The following PRPS2 variants were observed in gnomAD, a reference collection of about 807,000 sequenced individuals.
The protein encoded by PRPS2 is ribose-phosphate pyrophosphokinase 2.
For synonymous variants in PRPS2, 111 were observed against 115.3 expected, an observed-to-expected ratio of 0.96 and a Z score of 0.24; for missense variants, 104 against 271.5, an observed-to-expected ratio of 0.38 and a Z score of 4.34.
At chrX:12,795,353 A>G (rs2042538104) in intron 1 of PRPS2, among the ~76,000 whole-genome samples, 1 of 112,071 alleles carries the variant, frequency 8.9e-6, no homozygotes, top group Non-Finnish European at 1.9e-5. Context: ...CTCACAGGCC[A>G]TAGAAAAACA....
At chrX:12,814,102 A>G (rs1241867583) in intron 4 of PRPS2, among the ~76,000 whole-genome samples, 2 of 98,279 alleles carry the variant, frequency 2.0e-5, no homozygotes, top group Non-Finnish European at 4.0e-5. Flanking sequence ...TTCCAAAACT[A>G]TTTATTAAAT....
intron 2 of PRPS2, among the ~76,000 whole-genome samples, chrX:12,806,094 A>T (rs2042592330): frequency 9.0e-6 from 1 of 111,493 alleles, no homozygotes; most frequent in Non-Finnish European, 1.9e-5. Flanking sequence ...AAAAAAAAAA[A>T]AAAAGGTAGA....
At chrX:12,810,169 C>T (rs371727925) in intron 4 of PRPS2, 23 bp downstream of exon 4, 75 of 1,203,783 alleles carry the variant, frequency 6.2e-5, no homozygotes, top group Non-Finnish European at 8.1e-5. Flanking sequence ...CTACACCTTG[C>T]AGATTTCTCC....
chrX:12,819,999 C>T (rs991170098), intron 5 of PRPS2, among the ~76,000 whole-genome samples: 2 of 111,752 alleles, frequency 1.8e-5, no homozygotes, highest in African/African-American at 6.5e-5. Context: ...ATTTGGCTTT[C>T]GTGCCAGCCT....
At chrX:12,821,652 C>T (rs1045994987) in intron 6 of PRPS2, among the ~76,000 whole-genome samples, 11 of 111,792 alleles carry the variant, frequency 9.8e-5, no homozygotes, top group Non-Finnish European at 1.5e-4. Flanking sequence ...TAAGAACAGA[C>T]ACTATACTTG....
At chrX:12,817,618 A>C (rs2147223679) in intron 4 of PRPS2, among the ~76,000 whole-genome samples, 1 of 111,607 alleles carries the variant, frequency 9.0e-6, no homozygotes, top group East Asian at 2.8e-4. Flanking sequence ...TCATAGCGGC[A>C]GTATTCAGTA....
rs1336809941 is a variant in PRPS2, at chrX:12,823,797, A to G, written c.*1001A>G. ...AATGCGACTGGACTTAGCCACACAC[A>G]ATGGAAATTCAGACCTTGACTATTT... On this transcript the variant is annotated 3_prime_UTR_variant, in exon 7 of 7. Coordinates refer to ENST00000380668, the MANE Select transcript of PRPS2 (RefSeq NM_002765.5). 8.9e-6 allele frequency: 1 copy of G among 112,332 alleles called. No homozygotes were observed. The highest frequency in any genetic ancestry group is 3.2e-5 in the African/African-American group (1 of 30,901). 9.3% of individuals were successfully genotyped at this position (112,332 alleles called of 1,213,427 possible).
chrX:12,818,517 C>G (rs185896535), intron 4 of PRPS2, among the ~76,000 whole-genome samples: 1 of 110,649 alleles, frequency 9.0e-6, no homozygotes, highest in Non-Finnish European at 1.9e-5. Context: ...TCAGAGCACG[C>G]GAGGAGCTCC....
In PRPS2 at chrX:12,820,630, C is replaced by T. The variant is rs1419333866; in HGVS notation, c.705-14C>T. On this transcript the variant is annotated splice_polypyrimidine_tract_variant and intron_variant, in intron 5 of 6. Transcript: ENST00000380668. ...TTTGCATACCCTTAATTTTTATCTT[C>T]TGCTGTTCTACAGGCTGCTGTCAGC... 1.7e-6 allele frequency: 2 copies of T among 1,198,546 alleles called. No homozygotes were observed. The highest frequency in any genetic ancestry group is 1.7e-5 in the African/African-American group (1 of 57,527).
intron 4 of PRPS2, among the ~76,000 whole-genome samples, chrX:12,815,534 A>C (rs893692715): frequency 8.9e-6 from 1 of 111,838 alleles, no homozygotes; most frequent in South Asian, 3.7e-4. Flanking sequence ...CGAGGTGTTC[A>C]TGTGTCTTGG....
chrX:12,819,573 G>A lies in PRPS2; in HGVS notation c.597G>A (p.Ala199=), dbSNP rs369883798. 24 of 1,210,510 alleles carry A rather than the reference G, an allele frequency of 2.0e-5. No homozygotes were observed. The highest frequency in any genetic ancestry group is 5.9e-5 in the East Asian group (2 of 33,802). ...FALIHKERKK[A]NEVDRMVLVG... is the part of the protein sequence containing the mutation. ...TGATCCACAAAGAGAGGAAGAAGGC[G>A]AATGAAGTGGACCGGATGGTCCTGG... The change falls in exon 5 of 7, where the codon GCG becomes GCA. Residue 199 remains alanine, a synonymous_variant. Coordinates refer to ENST00000380668, the MANE Select transcript of PRPS2 (RefSeq NM_002765.5).
chrX:12,815,021 G>A (rs371211562), intron 4 of PRPS2, among the ~76,000 whole-genome samples: 1 of 111,845 alleles, frequency 8.9e-6, no homozygotes, highest in Non-Finnish European at 1.9e-5. Flanking sequence ...GCCTTTTTCT[G>A]CCTAAGATTT....
Position 12,823,242 on chromosome X carries a change from GAATT to G in PRPS2, c.*452_*455del, listed in dbSNP as rs1439221563. On this transcript the variant is annotated 3_prime_UTR_variant, in exon 7 of 7. Transcript: ENST00000380668. ...GGACATTTGGGTAAAACCCTGTATA[GAATT>G]AATTATCCTTTTACTTTGGAGTGAA... 9.1e-6 allele frequency: 1 copy of G among 109,986 alleles called. No individual in the cohort carries two copies. Among genetic ancestry groups the G allele is most frequent in the Non-Finnish European group, 1.9e-5 (1 of 53,063 alleles). 9.1% of individuals were successfully genotyped at this position (109,986 alleles called of 1,213,427 possible).
Position 12,809,506 on chromosome X carries a change from C to T in PRPS2, c.405+174C>T, listed in dbSNP as rs1417759271. ...CTTCCAGTCTCTATCACCACCTTGCCCCCCAGTCAATTTTGGAGGAGTGGG... is the reference window on the plus strand; with the variant it reads ...CTTCCAGTCTCTATCACCACCTTGCTCCCCAGTCAATTTTGGAGGAGTGGG... On this transcript the variant is annotated intron_variant, in intron 3 of 6. Coordinates refer to ENST00000380668, the MANE Select transcript of PRPS2 (RefSeq NM_002765.5). Among the ~76,000 whole-genome samples the T allele has an allele frequency of 2.2e-4, 25 of 111,614 alleles. No homozygotes were observed. In the Admixed American group the frequency reaches 2.4e-3, roughly 11 times the overall value.
chrX:12,793,017 AAAG>A (rs1370214782), intron 1 of PRPS2, among the ~76,000 whole-genome samples: 1 of 112,270 alleles, frequency 8.9e-6, no homozygotes, highest in Non-Finnish European at 1.9e-5. Flanking sequence ...GACTTTGGCT[AAAG>A]AATTCCACTC....
intron 2 of PRPS2, 82 bp downstream of exon 2, chrX:12,799,472 T>A: frequency 1.0e-6 from 1 of 1,002,500 alleles, no homozygotes; most frequent in Non-Finnish European, 1.3e-6. Context: ...TGATTAGAAT[T>A]ATCTGGAAAA....
Position 12,809,305 on chromosome X carries a change from C to G in PRPS2, c.378C>G (p.Thr126=). 1 of 1,209,380 alleles carries G rather than the reference C, an allele frequency of 8.3e-7. No homozygotes were observed. Among genetic ancestry groups the G allele is most frequent in the Non-Finnish European group, 1.1e-6 (1 of 894,702 alleles). Residue 126 remains threonine (T), a synonymous_variant, in exon 3 of 7, where the codon ACC becomes ACG. Transcript: ENST00000380668. Reference sequence around the variant, plus strand: ...TGGCTGGGGCGGATCACATCATCACCATGGACCTGCATGCTTCTCAGATAC... The same window carrying G: ...TGGCTGGGGCGGATCACATCATCACGATGGACCTGCATGCTTCTCAGATAC... The part of the protein sequence containing the change: ...LSVAGADHII[T]MDLHASQIQG...
chrX:12,813,037 A>T (rs751258252), intron 4 of PRPS2, among the ~76,000 whole-genome samples: 1 of 112,420 alleles, frequency 8.9e-6, no homozygotes, highest in African/African-American at 3.2e-5. Context: ...TTTTATATAC[A>T]TAGTCTAAGA....
intron 4 of PRPS2, among the ~76,000 whole-genome samples, chrX:12,812,876 T>C: frequency 9.0e-6 from 1 of 111,685 alleles, no homozygotes; most frequent in Non-Finnish European, 1.9e-5. Flanking sequence ...TTTGGAGACT[T>C]TGTATATCAA....
Sources: gnomAD v4.1 joint callset for allele counts (sites outside exome capture counted in the v4.1 genomes callset) on GRCh38, gnomAD v4.1.1 for gene constraint, MANE v1.5 for transcripts, NCBI Gene and HGNC (gene_info 2026-07-23, HGNC 2026-07-21) for gene names.